SLC66A2: variants seen among roughly 807,000 people sequenced by gnomAD.
SLC66A2 encodes solute carrier family 66 member 2, also known as PQ loop repeat containing 1.
SLC66A2 carries 23 observed loss-of-function variants against 25.5 expected under a neutral mutation model. The ratio of observed to expected loss-of-function variants is 0.90; its 90% CI spans 0.65 to 1.28. SLC66A2 has a LOEUF of 1.28. Ranked by LOEUF, SLC66A2 falls within the 50% of genes most tolerant of loss-of-function variation. SLC66A2 has a pLI of 0.00. For missense variants in SLC66A2, 396 were observed against 373.1 expected (o/e 1.06, Z -0.51); for synonymous variants, 193 against 166.5 (o/e 1.16, Z -1.23).
chr18:79,930,681 G>T (rs1986482401), intron 4 of SLC66A2, among the ~76,000 whole-genome samples: 1 of 152,076 alleles, frequency 6.6e-6, no homozygotes, highest in Admixed American at 6.6e-5. Flanking sequence ...AATATTAATA[G>T]CACAAATGAG....
At position 79,951,045 on chromosome 18, in the gene SLC66A2, G is replaced by T; in HGVS notation, c.-99-20C>A. ...CGGGGCCTGCGGGGAGCGGGGAGCT[G>T]CTCGAGTTCCGCCCAGGGAGGCTGG... On this transcript the variant is annotated intron_variant, in intron 1 of 5. Transcript: ENST00000397778. 1 of 709,248 alleles carries T rather than the reference G, an allele frequency of 1.4e-6. No homozygotes were observed. Among genetic ancestry groups the T allele is most frequent in the African/African-American group, 1.9e-5 (1 of 53,046 alleles). The allele number at this position is 709,248 out of a possible 1,614,324, so 43.9% of individuals were successfully genotyped here.
chr18:79,921,723 G>A (rs371371138), intron 4 of SLC66A2, among the ~76,000 whole-genome samples: 718 of 64,802 alleles, frequency 0.011, 22 homozygotes, highest in Middle Eastern at 0.024. Flanking sequence ...AGTGGGGAGA[G>A]ACAGGAACCG....
chr18:79,926,305 G>A (rs577032624), intron 4 of SLC66A2, among the ~76,000 whole-genome samples: 4 of 152,072 alleles, frequency 2.6e-5, no homozygotes, highest in African/African-American at 7.2e-5. Context: ...TTTCTTGTGC[G>A]AGACCCAAGA....
At position 79,904,928 on chromosome 18, in the gene SLC66A2, T is replaced by G. The variant is rs952730837; in HGVS notation, c.609-745A>C. On this transcript the variant is annotated intron_variant, in intron 5 of 5. Transcript: ENST00000397778. The surrounding 1 kb of genome is among the most constrained non-coding windows in gnomAD (Gnocchi z 6.3). ...GAGGCAGAGCCTGGGTGGGGAGCGC[T>G]GCCTGGACAGAAAGGACAGGACACA... is the stretch of plus-strand genomic sequence containing the variant. Among the ~76,000 whole-genome samples, 1 of 152,158 alleles carries G rather than the reference T, an allele frequency of 6.6e-6. No homozygotes were observed. The highest frequency in any genetic ancestry group is 2.4e-5 in the African/African-American group (1 of 41,444).
intron 5 of SLC66A2, among the ~76,000 whole-genome samples, chr18:79,908,622 C>A (rs1388733401): frequency 6.6e-6 from 1 of 152,168 alleles, no homozygotes; most frequent in Non-Finnish European, 1.5e-5. Flanking sequence ...ACACTCTCCT[C>A]TCCTCTGGGC....
chr18:79,927,704 GCACGTC>G lies in SLC66A2; in HGVS notation c.391+6259_391+6264del, dbSNP rs1405961530. Among the ~76,000 whole-genome samples, 1 of 152,116 alleles carries G rather than the reference GCACGTC, an allele frequency of 6.6e-6. No individual in the cohort carries two copies. Among genetic ancestry groups the G allele is most frequent in the Non-Finnish European group, 1.5e-5 (1 of 68,006 alleles). ...GTGGGACAGGCTGAGTGGGGACTGA[GCACGTC>G]TAGGGCCAGAGTGGGAGGGCCAGCC... On this transcript the variant is annotated intron_variant, in intron 4 of 5. Coordinates refer to ENST00000397778, the MANE Select transcript of SLC66A2 (RefSeq NM_025078.5). The surrounding 1 kb of genome is among the most constrained non-coding windows in gnomAD (Gnocchi z 6.2).
At chr18:79,944,919 C>CA (rs1491098742) in intron 2 of SLC66A2, among the ~76,000 whole-genome samples, 1 of 135,960 alleles carries the variant, frequency 7.4e-6, no homozygotes, top group Non-Finnish European at 1.6e-5. Context: ...GGGAACCCCA[C>CA]AGCCCCCTCA....
intron 4 of SLC66A2, among the ~76,000 whole-genome samples, chr18:79,923,241 C>A (rs1205747928): frequency 1.7e-4 from 4 of 22,870 alleles, no homozygotes; most frequent in Non-Finnish European, 2.6e-4. Flanking sequence ...GGGGGGGGGC[C>A]GTGGACGGGT....
chr18:79,910,479 C>T lies in SLC66A2; in HGVS notation c.609-6296G>A, dbSNP rs538221447. On this transcript the variant is annotated intron_variant, in intron 5 of 5. Transcript: ENST00000397778. ...GAGTCCCCAACCTTCCCCACCATCT[C>T]ACAACAGAGTCCCCAACCTTCCCCA... Among the ~76,000 whole-genome samples the T allele has an allele frequency of 5.3e-5, 8 of 151,836 alleles. No homozygotes were observed. The East Asian group carries it at 1.5e-3, about 29-fold the overall frequency.
rs143523033 is a variant in SLC66A2, at chr18:79,904,850, G to A, written c.609-667C>T. On this transcript the variant is annotated intron_variant, in intron 5 of 5. Coordinates refer to ENST00000397778, the MANE Select transcript of SLC66A2 (RefSeq NM_025078.5). The surrounding 1 kb of genome is among the most constrained non-coding windows in gnomAD (Gnocchi z 6.3). ...AACATGAGTGCTGCTGCACTTTCCC[G>A]TGTGAAATGTTTAAATCAGCGGCCG... Among the ~76,000 whole-genome samples the A allele has an allele frequency of 0.012, 1,772 of 152,326 alleles. 26 individuals are homozygous for A. The highest frequency in any genetic ancestry group is 0.05 in the South Asian group (240 of 4,830).
chr18:79,912,943 C>T (rs533942034), intron 5 of SLC66A2, among the ~76,000 whole-genome samples: 2 of 152,166 alleles, frequency 1.3e-5, no homozygotes, highest in South Asian at 4.1e-4. Context: ...AGGGGGGGTT[C>T]TGAGTGTCAT....
intron 4 of SLC66A2, among the ~76,000 whole-genome samples, chr18:79,931,548 C>T (rs1986570992): frequency 6.6e-6 from 1 of 152,230 alleles, no homozygotes; most frequent in African/African-American, 2.4e-5. Context: ...TAGTTACAGA[C>T]TTCCACACCC....
chr18:79,936,601 C>T (rs1568328301), intron 3 of SLC66A2, among the ~76,000 whole-genome samples: 1 of 152,192 alleles, frequency 6.6e-6, no homozygotes, highest in Admixed American at 6.5e-5. Flanking sequence ...AATTCAACCA[C>T]CTGACTTTGA....
intron 5 of SLC66A2, among the ~76,000 whole-genome samples, chr18:79,911,638 G>A (rs533873862): frequency 7.9e-5 from 12 of 152,330 alleles, no homozygotes; most frequent in African/African-American, 2.6e-4. Flanking sequence ...CTGCCGGGAC[G>A]CTCTGTCAGA....
Position 79,903,897 on chromosome 18 carries a change from G to T in SLC66A2, c.*79C>A. On this transcript the variant is annotated 3_prime_UTR_variant, in exon 6 of 6. Transcript: ENST00000397778. Reference sequence around the variant, plus strand: ...CTCTGCCACACCTGCAGGGGCCACAGCACCCACCCTCCCCGCGGGGAGGTC... The same window carrying T: ...CTCTGCCACACCTGCAGGGGCCACATCACCCACCCTCCCCGCGGGGAGGTC... 7.4e-7 allele frequency: 1 copy of T among 1,355,728 alleles called. No individual in the cohort carries two copies. The highest frequency in any genetic ancestry group is 1.0e-6 in the Non-Finnish European group (1 of 1,000,008). 84.0% of individuals were successfully genotyped at this position (1,355,728 alleles called of 1,614,324 possible).
chr18:79,932,436 T>C (rs557021024), intron 4 of SLC66A2, among the ~76,000 whole-genome samples: 15 of 151,732 alleles, frequency 9.9e-5, no homozygotes, highest in Admixed American at 2.6e-4. Context: ...AAACCAAAAA[T>C]TGGTTCTCTG....
At chr18:79,943,608 G>A in intron 2 of SLC66A2, 146 bp from the exon 3 acceptor site, 1 of 929,828 alleles carries the variant, frequency 1.1e-6, no homozygotes, top group Non-Finnish European at 1.6e-6. Flanking sequence ...GAGAGACCCT[G>A]TGTCAGGCCC....
intron 5 of SLC66A2, among the ~76,000 whole-genome samples, chr18:79,909,551 C>CA: frequency 2.0e-5 from 3 of 149,672 alleles, no homozygotes; most frequent in Non-Finnish European, 4.4e-5. Context: ...ACCTTCCCCA[C>CA]ACCCTCACCA....
intron 3 of SLC66A2, among the ~76,000 whole-genome samples, chr18:79,936,497 C>T (rs1987100655): frequency 6.6e-6 from 1 of 152,124 alleles, no homozygotes; most frequent in Non-Finnish European, 1.5e-5. Context: ...TCTTCAGCAC[C>T]CCAAAAAGAA....
Sources: allele counts gnomAD v4.1 joint callset (sites outside exome capture counted in the v4.1 genomes callset), GRCh38; gene constraint gnomAD v4.1.1; non-coding constraint Gnocchi (gnomAD v3.1); transcripts MANE v1.5; gene names NCBI Gene and HGNC (gene_info 2026-07-23, HGNC 2026-07-21).